FNTB: variants seen among roughly 807,000 people sequenced by gnomAD.
FNTB encodes the protein protein farnesyltransferase subunit beta.
In FNTB, 27 loss-of-function variants were observed where a neutral mutation model predicts 59.4. The observed-to-expected ratio is 0.45, with a 90% CI of 0.34 to 0.63. The LOEUF is 0.63. FNTB is among the 20% of genes least tolerant of loss of function. FNTB has a pLI of 0.02. For synonymous variants in FNTB, 230 were observed against 220.7 expected, an observed-to-expected ratio of 1.04 and a Z score of -0.37; for missense variants, 449 against 559.6, an observed-to-expected ratio of 0.80 and a Z score of 1.99.
At chr14:64,987,942 A>G (rs1317286743) in intron 1 of FNTB, among the ~76,000 whole-genome samples, 1 of 152,186 alleles carries the variant, frequency 6.6e-6, no homozygotes. Flanking sequence ...AGTGGTTAGG[A>G]TAATTCTTAA....
rs1382786419 is a variant in FNTB at position 65,001,259 on chromosome 14, A to G, written c.145-2990A>G. 6.6e-6 allele frequency among the ~76,000 whole-genome samples: 1 copy of G among 152,192 alleles called. No homozygotes were observed. The highest frequency in any genetic ancestry group is 1.5e-5 in the Non-Finnish European group (1 of 68,024). On this transcript the variant is annotated intron_variant, in intron 1 of 11. Transcript: ENST00000246166. The surrounding 1 kb of genome is among the most constrained non-coding windows in gnomAD (Gnocchi z 5.5). ...ACATATACCACAGTGGTCTGGAAAG[A>G]TTATAGTACTGTATTTTCACTCTAC...
intron 10 of FNTB, 118 bp downstream of exon 10, chr14:65,053,467 A>G (rs930172517): frequency 9.1e-6 from 8 of 877,288 alleles, no homozygotes; most frequent in Non-Finnish European, 1.1e-5. Flanking sequence ...CAGCACCTGC[A>G]TAGCGCTAGG....
chr14:65,016,516 C>T (rs1455560374), intron 4 of FNTB: 1 of 152,184 alleles, frequency 6.6e-6, no homozygotes, highest in Non-Finnish European at 1.5e-5. Context: ...GGATGAGAGA[C>T]TTCTGAGCCA....
Position 64,991,627 on chromosome 14 carries a change from T to C in FNTB, c.144+4530T>C, listed in dbSNP as rs1444367844. 6.6e-6 allele frequency among the ~76,000 whole-genome samples: 1 copy of C among 151,992 alleles called. No individual in the cohort carries two copies. The highest frequency in any genetic ancestry group is 1.5e-5 in the Non-Finnish European group (1 of 68,008). On this transcript the variant is annotated intron_variant, in intron 1 of 11. Coordinates refer to ENST00000246166, the MANE Select transcript of FNTB (RefSeq NM_002028.4). This position sits in a 1 kb window ranked among gnomAD's most constrained non-coding sequence, Gnocchi z 4.4. Reference sequence around the variant, plus strand: ...TCAAAAAAGAAAAAAATAAGAAGAATATGCTATAGGCAGTCACAGAGTGCT... The same window carrying C: ...TCAAAAAAGAAAAAAATAAGAAGAACATGCTATAGGCAGTCACAGAGTGCT...
In FNTB at chr14:65,043,550, C is replaced by T. The variant is rs553969615; in HGVS notation, c.823-761C>T. Among the ~76,000 whole-genome samples, 12 of 152,244 alleles carry T rather than the reference C, an allele frequency of 7.9e-5. No homozygotes were observed. The South Asian group carries it at 2.1e-3, about 26-fold the overall frequency. On this transcript the variant is annotated intron_variant, in intron 8 of 11. Coordinates refer to ENST00000246166, the MANE Select transcript of FNTB (RefSeq NM_002028.4). ...ATGAAATGTAGTACCAGGCCGGGCA[C>T]GGTGGCTCACGCCTGTAATCCCAGC...
At position 65,054,304 on chromosome 14, in the gene FNTB, G is replaced by T. The variant is rs2062679556; in HGVS notation, c.1068-271G>T. On this transcript the variant is annotated intron_variant, in intron 10 of 11. Coordinates refer to ENST00000246166, the MANE Select transcript of FNTB (RefSeq NM_002028.4). This position sits in a 1 kb window ranked among gnomAD's most constrained non-coding sequence, Gnocchi z 4.4. ...ATTTTTAATTTTTTGTAGAGACGGG[G>T]TCTCCCATGTTGCCCAAGTTGGTTT... Among the ~76,000 whole-genome samples, 1 of 151,878 alleles carries T rather than the reference G, an allele frequency of 6.6e-6. No individual in the cohort carries two copies.
chr14:65,004,209 G>A (rs532297504), intron 1 of FNTB, 40 bp from the exon 2 acceptor site: 36 of 1,603,766 alleles, frequency 2.2e-5, no homozygotes, highest in Non-Finnish European at 3.0e-5. Context: ...GGTCTCATCT[G>A]TATTTGTTTT....
rs766257827 is a variant in FNTB at position 65,028,616 on chromosome 14, A to G, written c.605+835A>G. Among the ~76,000 whole-genome samples, 2 of 152,248 alleles carry G rather than the reference A, an allele frequency of 1.3e-5. No individual in the cohort carries two copies. The highest frequency in any genetic ancestry group is 4.8e-5 in the African/African-American group (2 of 41,462). On this transcript the variant is annotated intron_variant, in intron 6 of 11. Transcript: ENST00000246166. This position sits in a 1 kb window ranked among gnomAD's most constrained non-coding sequence, Gnocchi z 4.4. Reference sequence around the variant, plus strand: ...TATAGGGGAGGAAAAAACCACGAACATTGTGGAGCATAAAATACATTACAG... The same window carrying G: ...TATAGGGGAGGAAAAAACCACGAACGTTGTGGAGCATAAAATACATTACAG...
At chr14:64,995,559 G>A (rs1888360828) in intron 1 of FNTB, among the ~76,000 whole-genome samples, 1 of 151,856 alleles carries the variant, frequency 6.6e-6, no homozygotes, top group South Asian at 2.1e-4. Flanking sequence ...TAGTCTTAAC[G>A]GGACTGCCGT....
chr14:65,051,797 A>ATTT (rs776155113), intron 9 of FNTB, among the ~76,000 whole-genome samples: 1 of 142,098 alleles, frequency 7.0e-6, no homozygotes, highest in Non-Finnish European at 1.5e-5. Context: ...CACCATAGGA[A>ATTT]TTTTTTTTTT....
chr14:64,991,779 G>A lies in FNTB; in HGVS notation c.144+4682G>A, dbSNP rs1463069471. ...GCTGTAAAAAATAGAGTTTGGGGCA[G>A]CCATTCAAGGAGGGAGAGCTGTTTT... On this transcript the variant is annotated intron_variant, in intron 1 of 11. Transcript: ENST00000246166. This position sits in a 1 kb window ranked among gnomAD's most constrained non-coding sequence, Gnocchi z 4.4. Among the ~76,000 whole-genome samples the A allele has an allele frequency of 6.6e-6, 1 of 152,124 alleles. No homozygotes were observed. Among genetic ancestry groups the A allele is most frequent in the Non-Finnish European group, 1.5e-5 (1 of 68,022 alleles).
intron 7 of FNTB, among the ~76,000 whole-genome samples, chr14:65,034,005 T>C (rs1459380181): frequency 6.6e-6 from 1 of 152,256 alleles, no homozygotes; most frequent in Non-Finnish European, 1.5e-5. Flanking sequence ...TACCAGATGA[T>C]ATGCTGAGAT....
intron 9 of FNTB, among the ~76,000 whole-genome samples, chr14:65,051,766 AC>A (rs2062616480): frequency 6.6e-6 from 1 of 150,946 alleles, no homozygotes; most frequent in South Asian, 2.1e-4. Flanking sequence ...GGTTATTGAT[AC>A]CATAAACTTT....
At chr14:65,057,114 C>A (rs2062753307) in intron 11 of FNTB, among the ~76,000 whole-genome samples, 1 of 152,186 alleles carries the variant, frequency 6.6e-6, no homozygotes, top group Non-Finnish European at 1.5e-5. Context: ...CACCAAGGCA[C>A]TCCTGAGGGA....
rs1392999990 is a variant in FNTB at position 65,044,600 on chromosome 14, G to A, written c.955+157G>A. On this transcript the variant is annotated intron_variant, in intron 9 of 11. Coordinates refer to ENST00000246166, the MANE Select transcript of FNTB (RefSeq NM_002028.4). The surrounding 1 kb of genome is among the most constrained non-coding windows in gnomAD (Gnocchi z 5.5). ...TGGAACCTCATGCCGTGGGGCATGC[G>A]AATGCAGAGTAAGATTTAGTTTCAT... The A allele has an allele frequency of 1.3e-5, 14 of 1,080,476 alleles. No individual in the cohort carries two copies. The highest frequency in any genetic ancestry group is 1.6e-5 in the African/African-American group (1 of 60,704). 66.9% of individuals were successfully genotyped at this position (1,080,476 alleles called of 1,614,324 possible). A position where few individuals can be genotyped will look rare whatever the true frequency, so the allele number is the denominator to read the frequency against.
In FNTB at chr14:65,026,840, C is replaced by T. The variant is rs539238605; in HGVS notation, c.375-613C>T. Among the ~76,000 whole-genome samples the T allele has an allele frequency of 2.4e-3, 357 of 151,116 alleles. 2 individuals carry two copies. Among genetic ancestry groups the T allele is most frequent in the Admixed American group, 3.7e-3 (56 of 15,156 alleles). On this transcript the variant is annotated intron_variant, in intron 4 of 11. Transcript: ENST00000246166. Reference sequence around the variant, plus strand: ...TCACACCACTGCACTGCAGCCTGGGCGACCGAGGGCAACCCCGCCTCAAAA... The same window carrying T: ...TCACACCACTGCACTGCAGCCTGGGTGACCGAGGGCAACCCCGCCTCAAAA...
chr14:65,052,752 T>A (rs891483911), intron 9 of FNTB, among the ~76,000 whole-genome samples: 2 of 152,246 alleles, frequency 1.3e-5, no homozygotes, highest in Non-Finnish European at 2.9e-5. Context: ...TGGAGATCAA[T>A]TAAATTTAGG....
At chr14:64,996,143 AAAAAG>A (rs1888387681) in intron 1 of FNTB, among the ~76,000 whole-genome samples, 3 of 149,824 alleles carry the variant, frequency 2.0e-5, no homozygotes, top group East Asian at 2.0e-4. Flanking sequence ...AAAAAAAAGA[AAAAAG>A]AAAAGAAACA....
rs2062028852 is a variant in FNTB at position 65,028,809 on chromosome 14, A to G, written c.605+1028A>G. ...TGATTCTTCTTAAGGAAAATGTTAAAAGAGTTTTTTTCCCTCGTGTTCACT... is the reference window on the plus strand; with the variant it reads ...TGATTCTTCTTAAGGAAAATGTTAAGAGAGTTTTTTTCCCTCGTGTTCACT... On this transcript the variant is annotated intron_variant, in intron 6 of 11. Coordinates refer to ENST00000246166, the MANE Select transcript of FNTB (RefSeq NM_002028.4). This position sits in a 1 kb window ranked among gnomAD's most constrained non-coding sequence, Gnocchi z 4.4. 6.6e-6 allele frequency among the ~76,000 whole-genome samples: 1 copy of G among 152,200 alleles called. No individual in the cohort carries two copies. Among genetic ancestry groups the G allele is most frequent in the Non-Finnish European group, 1.5e-5 (1 of 68,038 alleles).
Sources: allele counts gnomAD v4.1 joint callset (sites outside exome capture counted in the v4.1 genomes callset), GRCh38; gene constraint gnomAD v4.1.1; non-coding constraint Gnocchi (gnomAD v3.1); transcripts MANE v1.5; gene names NCBI Gene and HGNC (gene_info 2026-07-23, HGNC 2026-07-21).